Variants in SCN11A observed in about 807,000 individuals in gnomAD.
The protein encoded by SCN11A is sodium voltage-gated channel alpha subunit 11, also known as sodium channel protein type 11 subunit alpha.
Under a neutral mutation model 162.2 loss-of-function variants are expected in SCN11A, and 122 were observed. The observed-to-expected ratio is 0.75, with a 90% CI of 0.65 to 0.87. The LOEUF (loss-of-function observed/expected upper bound fraction) is 0.87. Ranked by LOEUF, SCN11A falls within the 40% of genes least tolerant of loss-of-function variation. The pLI is 0.00. For missense variants in SCN11A, 2,015 were observed against 2,181.6 expected, an observed-to-expected ratio of 0.92 and a Z score of 1.52; for synonymous variants, 758 against 751.5, an observed-to-expected ratio of 1.01 and a Z score of -0.14.
intron 28 of SCN11A, among the ~76,000 whole-genome samples, chr3:38,853,132 T>G (rs937321127): frequency 6.6e-6 from 1 of 152,244 alleles, no homozygotes; most frequent in African/African-American, 2.4e-5. Flanking sequence ...CTCTGTGCAG[T>G]GCATCTATGT....
chr3:38,908,813 G>A (rs2065841542), intron 13 of SCN11A, among the ~76,000 whole-genome samples, 184 bp downstream of exon 13: 4 of 152,142 alleles, frequency 2.6e-5, no homozygotes, highest in Admixed American at 2.6e-4. Context: ...CTGGTGCCTG[G>A]ACAATTTTGT....
intron 9 of SCN11A, among the ~76,000 whole-genome samples, chr3:38,921,476 T>C (rs925750456): frequency 1.4e-4 from 21 of 152,174 alleles, no homozygotes; most frequent in African/African-American, 5.1e-4. Context: ...ACTCAATCTC[T>C]CTATTCCTGC....
intron 14 of SCN11A, among the ~76,000 whole-genome samples, chr3:38,907,223 A>G (rs1325800468): frequency 1.3e-5 from 2 of 151,652 alleles, no homozygotes; most frequent in African/African-American, 2.4e-5. Flanking sequence ...CACAGCAAGT[A>G]GGAAATTAGA....
chr3:39,048,916 A>G (rs2032252761), intron 1 of SCN11A, among the ~76,000 whole-genome samples: 1 of 152,234 alleles, frequency 6.6e-6, no homozygotes, highest in African/African-American at 2.4e-5. Context: ...GGCCAACACC[A>G]GTATCAGTCA....
At chr3:39,018,939 C>G (rs1164461438) in intron 2 of SCN11A, among the ~76,000 whole-genome samples, 1 of 152,156 alleles carries the variant, frequency 6.6e-6, no homozygotes, top group Non-Finnish European at 1.5e-5. Flanking sequence ...TTTCTTTTGC[C>G]TTTAGCCTTC....
At chr3:39,034,114 A>T (rs895146270) in intron 1 of SCN11A, among the ~76,000 whole-genome samples, 2 of 152,168 alleles carry the variant, frequency 1.3e-5, no homozygotes, top group Non-Finnish European at 2.9e-5. Context: ...GTGAGCCGAG[A>T]TCGCACCACT....
intron 12 of SCN11A, 63 bp from the exon 13 acceptor site, chr3:38,909,257 C>T (rs2065850991): frequency 6.5e-7 from 1 of 1,540,270 alleles, no homozygotes; most frequent in African/African-American, 1.4e-5. Context: ...TGACCATCAC[C>T]TCAAGCAAAA....
chr3:38,867,452 GTTCT>G lies in SCN11A; in HGVS notation c.3816_3819del (p.Lys1272AsnfsTer17), dbSNP rs773570414. 5.7e-6 allele frequency: 9 copies of G among 1,590,696 alleles called. No individual in the cohort carries two copies. Among genetic ancestry groups the G allele is most frequent in the East Asian group, 2.2e-5 (1 of 44,746 alleles). ...GAATTGCTCTCAAACTCTGGCTGTT[GTTCT>G]TTCTGTTAGAAATTTTTTTAATAAG... On this transcript the variant is annotated frameshift_variant and splice_region_variant, in exon 27 of 30. Coordinates refer to ENST00000302328, the MANE Select transcript of SCN11A (RefSeq NM_001349253.2). LOFTEE classifies it high-confidence loss of function.
intron 2 of SCN11A, among the ~76,000 whole-genome samples, chr3:39,029,036 A>C (rs1022668734): frequency 2.6e-5 from 4 of 152,218 alleles, no homozygotes; most frequent in African/African-American, 9.6e-5. Flanking sequence ...TTATGGATGT[A>C]TCAACAATTC....
rs760853230 is a variant in SCN11A at position 38,850,599 on chromosome 3, C to T, written c.4209G>A (p.Trp1403Ter). ...CTAACGTAAAGATGACCACAAAGACCCAGTTGAGATGGTCAAGGATGGATT... is the reference window on the plus strand; with the variant it reads ...CTAACGTAAAGATGACCACAAAGACTCAGTTGAGATGGTCAAGGATGGATT... ...AMKSILDHLNWVFVVIFTLEC... is the reference protein window; with the variant it reads ...AMKSILDHLN Residue 1403 changes from tryptophan (W) to a stop codon, truncating the protein, a stop_gained, in exon 29 of 30, where the codon TGG becomes TGA. Coordinates refer to ENST00000302328, the MANE Select transcript of SCN11A (RefSeq NM_001349253.2). LOFTEE classifies it high-confidence loss of function. The T allele has an allele frequency of 6.2e-6, 10 of 1,613,676 alleles. No homozygotes were observed. The highest frequency in any genetic ancestry group is 1.1e-5 in the South Asian group (1 of 91,046).
At chr3:38,900,104 G>A (rs778825321) in intron 16 of SCN11A, 31 bp from the exon 17 acceptor site, 1 of 1,575,380 alleles carries the variant, frequency 6.3e-7, no homozygotes, top group Non-Finnish European at 8.7e-7. Flanking sequence ...ATGAGAGAAG[G>A]AAGCTGCGGA....
chr3:38,952,164 G>T (rs1457531300), intron 4 of SCN11A, among the ~76,000 whole-genome samples: 1 of 152,106 alleles, frequency 6.6e-6, no homozygotes, highest in South Asian at 2.1e-4. Context: ...AACACTCACC[G>T]CGAGAGTCCG....
At chr3:38,872,334 G>A (rs759257836) in intron 23 of SCN11A, 40 bp from the exon 24 acceptor site, 1 of 1,119,884 alleles carries the variant, frequency 8.9e-7, no homozygotes, top group Non-Finnish European at 1.4e-6. Flanking sequence ...ACCTGACTTG[G>A]TGTCCAGCTG....
rs1047400828 is a variant in SCN11A, at chr3:38,846,217, G to A, written c.*477C>T. Reference sequence around the variant, plus strand: ...CAACCTCCGTCTCCCAGGTTTAAGCGATTCTCCTGCCTCAGCCTCCCAAGT... The same window carrying A: ...CAACCTCCGTCTCCCAGGTTTAAGCAATTCTCCTGCCTCAGCCTCCCAAGT... On this transcript the variant is annotated 3_prime_UTR_variant, in exon 30 of 30. Transcript: ENST00000302328. The A allele has an allele frequency of 7.0e-5, 11 of 157,882 alleles. No individual in the cohort carries two copies. Among genetic ancestry groups the A allele is most frequent in the Admixed American group, 1.8e-4 (3 of 16,714 alleles). 9.8% of individuals were successfully genotyped at this position (157,882 alleles called of 1,614,324 possible).
chr3:38,918,905 G>A (rs2066002519), intron 11 of SCN11A, among the ~76,000 whole-genome samples: 1 of 152,144 alleles, frequency 6.6e-6, no homozygotes, highest in South Asian at 2.1e-4. Context: ...GAAATGTGTA[G>A]TTAGGCAATT....
At chr3:39,049,477 A>G (rs187852012) in intron 1 of SCN11A, among the ~76,000 whole-genome samples, 2 of 152,338 alleles carry the variant, frequency 1.3e-5, no homozygotes, top group African/African-American at 4.8e-5. Flanking sequence ...TAGAATAAAC[A>G]TATTTTAGAG....
chr3:38,851,384 A>G (rs2064776106), intron 28 of SCN11A, among the ~76,000 whole-genome samples: 1 of 152,204 alleles, frequency 6.6e-6, no homozygotes, highest in African/African-American at 2.4e-5. Context: ...ATTAATTTAT[A>G]CTATAACTGA....
intron 15 of SCN11A, among the ~76,000 whole-genome samples, chr3:38,904,967 C>T (rs1179440436): frequency 6.6e-6 from 1 of 152,198 alleles, no homozygotes; most frequent in African/African-American, 2.4e-5. Context: ...TCCACCTCTA[C>T]CCAGGTGCCA....
At chr3:38,961,769 T>C (rs1049476843) in intron 2 of SCN11A, among the ~76,000 whole-genome samples, 1 of 152,256 alleles carries the variant, frequency 6.6e-6, no homozygotes, top group Non-Finnish European at 1.5e-5. Context: ...GAGTTCTTTG[T>C]AGATTCTGGA....
Sources: allele counts gnomAD v4.1 joint callset (sites outside exome capture counted in the v4.1 genomes callset), GRCh38; gene constraint gnomAD v4.1.1; transcripts MANE v1.5; gene names NCBI Gene and HGNC (gene_info 2026-07-23, HGNC 2026-07-21).